QTGAL: variants seen among roughly 807,000 people sequenced by gnomAD.
QTGAL encodes BGnT-like protein 1.
the QTGAL span, among the ~76,000 whole-genome samples, chr17:82,957,956 C>T: frequency 6.6e-6 from 1 of 152,178 alleles, no homozygotes; most frequent in African/African-American, 2.4e-5. Flanking sequence ...TCTGTTCTCC[C>T]TCTGCTGTGA....
the QTGAL span, among the ~76,000 whole-genome samples, chr17:83,009,819 C>G: frequency 6.6e-6 from 1 of 151,946 alleles, no homozygotes; most frequent in Non-Finnish European, 1.5e-5. Context: ...GGCACAGACT[C>G]AAGAAGTCAG....
chr17:82,965,613 C>T, the QTGAL span: 3 of 1,544,542 alleles, frequency 1.9e-6, no homozygotes, highest in Non-Finnish European at 2.6e-6. Flanking sequence ...GGGCCCCGAA[C>T]CTGGGGGAGG....
chr17:83,016,634 CAG>C, the QTGAL span, among the ~76,000 whole-genome samples: 2 of 59,894 alleles, frequency 3.3e-5, no homozygotes, highest in African/African-American at 6.8e-5. Flanking sequence ...GGAGGAGGGA[CAG>C]AAGAAGGAGG....
At chr17:83,001,640 T>C in the QTGAL span, among the ~76,000 whole-genome samples, 1 of 152,210 alleles carries the variant, frequency 6.6e-6, no homozygotes, top group South Asian at 2.1e-4. Flanking sequence ...AGGTGCTGGG[T>C]GTGTGACCTG....
chr17:82,977,589 G>T, the QTGAL span, among the ~76,000 whole-genome samples: 1 of 152,304 alleles, frequency 6.6e-6, no homozygotes, highest in African/African-American at 2.4e-5. Context: ...TCTCCGGGGG[G>T]TCTGGGGTGC....
the QTGAL span, among the ~76,000 whole-genome samples, chr17:83,014,934 T>C: frequency 6.6e-6 from 1 of 152,392 alleles, no homozygotes; most frequent in South Asian, 2.1e-4. Context: ...CCAAGTGTAC[T>C]TAATTAGGCA....
chr17:83,030,110 A>G, the QTGAL span, among the ~76,000 whole-genome samples: 5 of 152,234 alleles, frequency 3.3e-5, no homozygotes, highest in South Asian at 2.1e-4. Flanking sequence ...GTCGTGATTA[A>G]TTTGATTCTG....
At chr17:83,006,183 C>G in the QTGAL span, 1 of 986,090 alleles carries the variant, frequency 1.0e-6, no homozygotes, top group African/African-American at 1.7e-5. This position sits in a 1 kb window ranked among gnomAD's most constrained non-coding sequence, Gnocchi z 5.8. Context: ...GAAAATGTAA[C>G]TGTGGTCCAA....
chr17:83,028,694 C>T, the QTGAL span, among the ~76,000 whole-genome samples: 11 of 152,278 alleles, frequency 7.2e-5, no homozygotes, highest in South Asian at 6.2e-4. Flanking sequence ...CAGAACAGTA[C>T]GAACGCCGGA....
At chr17:82,994,398 A>T in the QTGAL span, among the ~76,000 whole-genome samples, 27 of 152,218 alleles carry the variant, frequency 1.8e-4, no homozygotes, top group African/African-American at 6.3e-4. Flanking sequence ...TAAGGGAAAA[A>T]TTTAGAAAAA....
chr17:83,051,005 T>G, the QTGAL span, among the ~76,000 whole-genome samples: 1 of 140,918 alleles, frequency 7.1e-6, no homozygotes, highest in Non-Finnish European at 1.5e-5. Flanking sequence ...CGAGGTTGTG[T>G]GGGGGCACAC....
chr17:82,967,138 CAA>C, the QTGAL span, among the ~76,000 whole-genome samples: 463 of 152,318 alleles, frequency 3.0e-3, 3 homozygotes, highest in African/African-American at 0.011. Flanking sequence ...TTTGCATCTG[CAA>C]AGACCTTGTT....
At chr17:82,969,635 T>C in the QTGAL span, among the ~76,000 whole-genome samples, 1 of 152,194 alleles carries the variant, frequency 6.6e-6, no homozygotes. Context: ...TGCTTACACC[T>C]GTCAACAGCC....
chr17:82,942,599 A>G, the QTGAL span: 1 of 1,194,160 alleles, frequency 8.4e-7, no homozygotes. Flanking sequence ...GGCTGGCACT[A>G]GCTGACAGCT....
chr17:83,006,643 G>A, the QTGAL span: 2 of 985,298 alleles, frequency 2.0e-6, no homozygotes, highest in Non-Finnish European at 1.2e-6. This position sits in a 1 kb window ranked among gnomAD's most constrained non-coding sequence, Gnocchi z 5.8. Context: ...GTGCTATCCC[G>A]ACGCCGTGGC....
chr17:82,957,341 G>A, the QTGAL span: 1 of 1,613,716 alleles, frequency 6.2e-7, no homozygotes, highest in Non-Finnish European at 8.5e-7. Context: ...CAGTGTTGGA[G>A]GGTGGCAGGA....
the QTGAL span, among the ~76,000 whole-genome samples, chr17:82,985,890 AGT>A: frequency 1.3e-5 from 2 of 152,186 alleles, no homozygotes; most frequent in South Asian, 4.1e-4. Context: ...ATTCCAGGAA[AGT>A]GTGTGTCCCT....
chr17:83,013,270 G>A, the QTGAL span, among the ~76,000 whole-genome samples: 888 of 151,216 alleles, frequency 5.9e-3, 11 homozygotes, highest in Non-Finnish European at 8.7e-3. Context: ...CTCTGCACCC[G>A]AGAAGGTGGC....
the QTGAL span, among the ~76,000 whole-genome samples, chr17:83,029,894 C>T: frequency 6.6e-6 from 1 of 152,190 alleles, no homozygotes; most frequent in Admixed American, 6.5e-5. Flanking sequence ...TGCTGACGCG[C>T]CCGTTGCTTT....
Sources: allele counts gnomAD v4.1 joint callset (sites outside exome capture counted in the v4.1 genomes callset), GRCh38; gene constraint gnomAD v4.1.1; non-coding constraint Gnocchi (gnomAD v3.1); transcripts MANE v1.5; gene names NCBI Gene and HGNC (gene_info 2026-07-23, HGNC 2026-07-21).